LEKR1: variants seen among roughly 807,000 people sequenced by gnomAD.
LEKR1 encodes the protein leucine, glutamate and lysine rich 1.
LEKR1 carries 59 observed loss-of-function variants against 72.4 expected under a neutral mutation model. The ratio of observed to expected loss-of-function variants is 0.82; its 90% CI spans 0.66 to 1.01. The LOEUF is 1.01. Ranked by LOEUF, LEKR1 falls within the 50% of genes least tolerant of loss-of-function variation. The probability of loss-of-function intolerance (pLI) is 0.00; values close to 1 mark genes in which losing one functional copy is unlikely to be tolerated. For missense variants in LEKR1, 728 were observed against 759.2 expected (o/e 0.96, Z 0.48); for synonymous variants, 257 against 263.2 (o/e 0.98, Z 0.23).
rs1404845867 is a variant in LEKR1 at position 157,014,950 on chromosome 3, A to G, written c.1203+3444A>G. 3.3e-5 allele frequency among the ~76,000 whole-genome samples: 5 copies of G among 152,216 alleles called. No homozygotes were observed. The East Asian group carries it at 5.8e-4, about 18-fold the overall frequency. On this transcript the variant is annotated intron_variant, in intron 10 of 12. Coordinates refer to ENST00000356539, the MANE Select transcript of LEKR1 (RefSeq NM_001004316.3). ...TTCCATATTTCTGCATTTGGCCAAGATGGAGTAATGGGGACCAAATTTACC... is the reference window on the plus strand; with the variant it reads ...TTCCATATTTCTGCATTTGGCCAAGGTGGAGTAATGGGGACCAAATTTACC...
chr3:156,842,102 T>C (rs1713992229), intron 2 of LEKR1, among the ~76,000 whole-genome samples: 1 of 151,912 alleles, frequency 6.6e-6, no homozygotes, highest in Non-Finnish European at 1.5e-5. Context: ...ATCATCCCCA[T>C]CCCCCCAGTC....
At chr3:156,957,586 A>AC (rs1727761983) in intron 6 of LEKR1, among the ~76,000 whole-genome samples, 1 of 151,886 alleles carries the variant, frequency 6.6e-6, no homozygotes, top group East Asian at 1.9e-4. Flanking sequence ...CACAGTTTTT[A>AC]TACTCATTAA....
chr3:156,906,564 T>TA (rs1356058904), intron 3 of LEKR1, among the ~76,000 whole-genome samples: 1 of 152,224 alleles, frequency 6.6e-6, no homozygotes, highest in Non-Finnish European at 1.5e-5. Flanking sequence ...GAGAAAACTG[T>TA]GTGCTAGCAC....
intron 3 of LEKR1, among the ~76,000 whole-genome samples, chr3:156,874,143 T>C (rs1238347084): frequency 6.6e-6 from 1 of 152,118 alleles, no homozygotes; most frequent in Non-Finnish European, 1.5e-5. Context: ...CTCTATTATT[T>C]AAGCTTTCAA....
chr3:156,989,353 T>C (rs555148677), intron 7 of LEKR1, among the ~76,000 whole-genome samples: 3 of 152,330 alleles, frequency 2.0e-5, no homozygotes, highest in African/African-American at 4.8e-5. Context: ...TCACACACAG[T>C]TATTTCTTTA....
At chr3:157,032,101 A>C (rs1305979549) in intron 12 of LEKR1, among the ~76,000 whole-genome samples, 3 of 150,960 alleles carry the variant, frequency 2.0e-5, no homozygotes, top group Non-Finnish European at 4.4e-5. Context: ...GAGAGAGAGA[A>C]AGTTAATATG....
chr3:156,883,977 A>T lies in LEKR1; in HGVS notation c.263+30995A>T, dbSNP rs527934132. Among the ~76,000 whole-genome samples, 6 of 152,208 alleles carry T rather than the reference A, an allele frequency of 3.9e-5. No individual in the cohort carries two copies. The South Asian group carries it at 6.2e-4, about 16-fold the overall frequency. On this transcript the variant is annotated intron_variant, in intron 3 of 12. Transcript: ENST00000356539. ...GAGTTCCAGTGTTAGGTACATATAT[A>T]TTTAGGATTGTGATATTTTCTTACT...
In LEKR1 at chr3:156,942,548, AAGTTTGAC is replaced by A. The variant is rs1726307313; in HGVS notation, c.583_590del (p.Leu195IlefsTer5). The A allele has an allele frequency of 8.1e-7, 1 of 1,234,440 alleles. No individual in the cohort carries two copies. The highest frequency in any genetic ancestry group is 1.1e-6 in the Non-Finnish European group (1 of 950,604). 76.5% of individuals were successfully genotyped at this position (1,234,440 alleles called of 1,614,324 possible). ...TTACAGAAATAGACATACTGAATAA[AAGTTTGAC>A]AGTATCCCAGAGAAATAAAGTATGC... On this transcript the variant is annotated frameshift_variant, in exon 6 of 13. Transcript: ENST00000356539. LOFTEE classifies it high-confidence loss of function.
chr3:156,993,122 A>G lies in LEKR1; in HGVS notation c.954A>G (p.Gln318=). The change falls in exon 9 of 13, where the codon CAA becomes CAG. Residue 318 remains glutamine (Q), a synonymous_variant. Transcript: ENST00000356539. ...AAGAAGACTCTTTAATGACTTGTCA[A>G]CAGATATATAAAGCATTACAGGAAG... is the stretch of plus-strand genomic sequence containing the variant. ...KEKEDSLMTC[Q]QIYKALQEEL... is the part of the protein sequence containing the mutation. 6.2e-7 allele frequency: 1 copy of G among 1,611,238 alleles called. No homozygotes were observed. The highest frequency in any genetic ancestry group is 8.5e-7 in the Non-Finnish European group (1 of 1,178,938).
intron 6 of LEKR1, among the ~76,000 whole-genome samples, chr3:156,972,028 A>G (rs1193259485): frequency 6.6e-6 from 1 of 152,242 alleles, no homozygotes; most frequent in Admixed American, 6.5e-5. Flanking sequence ...GCTGCTATAA[A>G]GATACATGCA....
chr3:157,035,392 C>A (rs1734890453), intron 12 of LEKR1, among the ~76,000 whole-genome samples: 1 of 152,102 alleles, frequency 6.6e-6, no homozygotes. Flanking sequence ...ACCATCCTGG[C>A]AGAATACCAG....
intron 9 of LEKR1, among the ~76,000 whole-genome samples, chr3:156,996,109 C>A (rs1264651901): frequency 6.6e-6 from 1 of 151,710 alleles, no homozygotes; most frequent in Admixed American, 6.6e-5. Flanking sequence ...GTACTATGTA[C>A]CCTGGGTACA....
intron 1 of LEKR1, among the ~76,000 whole-genome samples, chr3:156,828,469 T>TAACTCATGGTCCTCAG (rs6148152): frequency 0.79 from 119,382 of 152,032 alleles, 47,181 homozygotes; most frequent in East Asian, 0.95. Context: ...CTCTTGTCTA[T>TAACTCATGGTCCTCAG]GCCTTCTTCC....
chr3:156,837,826 G>T (rs540512752), intron 2 of LEKR1, among the ~76,000 whole-genome samples: 73 of 152,278 alleles, frequency 4.8e-4, no homozygotes, highest in African/African-American at 1.6e-3. Flanking sequence ...CCTTTTGCCG[G>T]CATGCTAGCT....
chr3:156,850,845 A>G (rs1292674489), intron 2 of LEKR1, among the ~76,000 whole-genome samples: 7 of 152,204 alleles, frequency 4.6e-5, no homozygotes, highest in Admixed American at 2.0e-4. Flanking sequence ...GGAAACATAG[A>G]TAGAAAGGAA....
At chr3:156,858,367 C>T (rs1193423928) in intron 3 of LEKR1, among the ~76,000 whole-genome samples, 1 of 151,930 alleles carries the variant, frequency 6.6e-6, no homozygotes, top group African/African-American at 2.4e-5. Context: ...CAAATATGTT[C>T]CTTTTTAAAA....
intron 2 of LEKR1, among the ~76,000 whole-genome samples, chr3:156,850,013 A>C (rs1429864542): frequency 6.6e-6 from 1 of 152,182 alleles, no homozygotes; most frequent in Non-Finnish European, 1.5e-5. Context: ...TACTCATCTG[A>C]CAAAGGGCTA....
At chr3:157,009,620 G>A (rs1293012065) in intron 9 of LEKR1, among the ~76,000 whole-genome samples, 2 of 151,934 alleles carry the variant, frequency 1.3e-5, no homozygotes, top group Non-Finnish European at 2.9e-5. Context: ...CTTGACCCTG[G>A]ATTGCTACAT....
chr3:156,923,012 C>G (rs751093632), intron 4 of LEKR1, among the ~76,000 whole-genome samples: 1 of 152,200 alleles, frequency 6.6e-6, no homozygotes, highest in Non-Finnish European at 1.5e-5. Flanking sequence ...TTGCAGCTCT[C>G]TCAGTTTCAC....
Sources: gnomAD v4.1 joint callset for allele counts (sites outside exome capture counted in the v4.1 genomes callset) on GRCh38, gnomAD v4.1.1 for gene constraint, MANE v1.5 for transcripts, NCBI Gene and HGNC (gene_info 2026-07-23, HGNC 2026-07-21) for gene names.